OTUD7A: variants seen among roughly 807,000 people sequenced by gnomAD.
OTUD7A encodes OTU deubiquitinase 7A, also known as OTU domain-containing protein 7A.
A neutral mutation model predicts 65.7 loss-of-function variants in OTUD7A; 12 were observed. The ratio of observed to expected loss-of-function variants is 0.18; its 90% CI spans 0.12 to 0.30. OTUD7A has a LOEUF of 0.30. Ranked by LOEUF, OTUD7A falls within the 10% of genes least tolerant of loss-of-function variation. The probability of loss-of-function intolerance (pLI) is 1.00; values close to 1 mark genes in which losing one functional copy is unlikely to be tolerated. For missense variants in OTUD7A, 1,148 were observed against 1,304.8 expected (o/e 0.88, Z 1.85); for synonymous variants, 641 against 586.3 (o/e 1.09, Z -1.35).
intron 1 of OTUD7A, among the ~76,000 whole-genome samples, chr15:31,661,955 C>T (rs1342465593): frequency 6.6e-6 from 1 of 152,142 alleles, no homozygotes; most frequent in African/African-American, 2.4e-5. Flanking sequence ...TATCATCTGG[C>T]TTTTACTGAT....
intron 1 of OTUD7A, among the ~76,000 whole-genome samples, chr15:31,765,426 A>T (rs1318970223): frequency 1.4e-5 from 2 of 145,868 alleles, no homozygotes; most frequent in African/African-American, 2.5e-5. Flanking sequence ...AATTTTTTTT[A>T]AAAAACAGAA....
Position 31,478,036 on chromosome 15 carries a change from T to C in OTUD7A, c.*5258A>G, listed in dbSNP as rs1219779838. The C allele has an allele frequency of 6.6e-6, 1 of 152,278 alleles. No homozygotes were observed. The highest frequency in any genetic ancestry group is 1.5e-5 in the Non-Finnish European group (1 of 68,122). 9.4% of individuals were successfully genotyped at this position (152,278 alleles called of 1,614,324 possible). A position where few individuals can be genotyped will look rare whatever the true frequency, so the allele number is the denominator to read the frequency against. ...ATGTTCAGGTAGAAGGAATGGCATG[T>C]GCAAAGGCCCTGAGGCAGGAGGGTG... On this transcript the variant is annotated 3_prime_UTR_variant, in exon 13 of 13. Coordinates refer to ENST00000307050, the MANE Select transcript of OTUD7A (RefSeq NM_001382637.1).
At chr15:31,776,174 C>T (rs997020357) in intron 1 of OTUD7A, among the ~76,000 whole-genome samples, 5 of 152,194 alleles carry the variant, frequency 3.3e-5, no homozygotes, top group Non-Finnish European at 4.4e-5. Flanking sequence ...CAGGCCAGGT[C>T]CCCTTACCGC....
At chr15:31,764,152 AC>A (rs1455394429) in intron 1 of OTUD7A, among the ~76,000 whole-genome samples, 1 of 152,142 alleles carries the variant, frequency 6.6e-6, no homozygotes, top group Non-Finnish European at 1.5e-5. Flanking sequence ...TTGTTACAAA[AC>A]CCCAAATAAT....
rs141956023 is a variant in OTUD7A, at chr15:31,701,860, T to C, written c.-99-44783A>G. On this transcript the variant is annotated intron_variant, in intron 1 of 12. Coordinates refer to ENST00000307050, the MANE Select transcript of OTUD7A (RefSeq NM_001382637.1). ...AACCCAATGTAAACAAATAAAACTA[T>C]AGACCAATATCCCTCATGAATATAG... 1.3e-3 allele frequency among the ~76,000 whole-genome samples: 204 copies of C among 152,146 alleles called. 1 individual carries two copies. Among genetic ancestry groups the C allele is most frequent in the East Asian group, 0.013 (68 of 5,186 alleles).
At chr15:31,768,367 G>A (rs1431777652) in intron 1 of OTUD7A, among the ~76,000 whole-genome samples, 2 of 152,192 alleles carry the variant, frequency 1.3e-5, no homozygotes, top group Non-Finnish European at 2.9e-5. Flanking sequence ...TATCTATAAA[G>A]TAAAAGTGAT....
At chr15:31,662,416 C>T (rs76185167) in intron 1 of OTUD7A, among the ~76,000 whole-genome samples, 1 of 152,102 alleles carries the variant, frequency 6.6e-6, no homozygotes, top group Non-Finnish European at 1.5e-5. Context: ...TTGCATTCGT[C>T]GATTTAAACA....
At position 31,484,478 on chromosome 15, in the gene OTUD7A, C is replaced by A. The variant is rs1423629346; in HGVS notation, c.1618G>T (p.Gly540Cys). 6.2e-7 allele frequency: 1 copy of A among 1,607,376 alleles called. No homozygotes were observed. Among genetic ancestry groups the A allele is most frequent in the East Asian group, 2.2e-5 (1 of 44,864 alleles). The change falls in exon 13 of 13, where the codon GGC (glycine) becomes TGC (cysteine). Residue 540 changes from glycine to cysteine, a missense_variant. Coordinates refer to ENST00000307050, the MANE Select transcript of OTUD7A (RefSeq NM_001382637.1). The surrounding 1 kb of genome is among the most constrained non-coding windows in gnomAD (Gnocchi z 4.5). Reference protein sequence around the residue: ...TLGIKLKKNMGGLGGLVHGKM... With the variant: ...TLGIKLKKNMCGLGGLVHGKM... The stretch of plus-strand genomic sequence containing the variant: ...CCGTGCACCAGGCCGCCGAGGCCGC[C>A]CATGTTTTTCTTCAGCTTGATGCCC...
chr15:31,791,847 G>A (rs1231234760), intron 1 of OTUD7A, among the ~76,000 whole-genome samples: 1 of 152,062 alleles, frequency 6.6e-6, no homozygotes, highest in Non-Finnish European at 1.5e-5. Context: ...AAATGTCATG[G>A]AATGCAGGGC....
intron 3 of OTUD7A, among the ~76,000 whole-genome samples, chr15:31,619,634 C>T (rs535162300): frequency 4.6e-4 from 70 of 152,132 alleles, no homozygotes; most frequent in African/African-American, 1.3e-3. Context: ...TGAGACTTTG[C>T]TGAAGTTGCT....
chr15:31,485,408 AG>A (rs2041223102), intron 12 of OTUD7A, among the ~76,000 whole-genome samples: 1 of 152,218 alleles, frequency 6.6e-6, no homozygotes, highest in Non-Finnish European at 1.5e-5. Context: ...TGCTAAATTG[AG>A]GAGGATTCTG....
chr15:31,783,667 C>A (rs1011538567), intron 1 of OTUD7A, among the ~76,000 whole-genome samples: 1 of 152,166 alleles, frequency 6.6e-6, no homozygotes, highest in African/African-American at 2.4e-5. Context: ...TGCCAAAGAG[C>A]GATGGAGGTC....
rs541791184 is a variant in OTUD7A, at chr15:31,607,515, A to G, written c.152-37318T>C. ...CTCAGGAAAAAAAATAAAATCACCC[A>G]TAGCCTAAAATTATATCTCAAAATC... On this transcript the variant is annotated intron_variant, in intron 3 of 12. Transcript: ENST00000307050. 2.1e-4 allele frequency among the ~76,000 whole-genome samples: 32 copies of G among 152,302 alleles called. No homozygotes were observed. In the South Asian group the frequency reaches 6.4e-3, roughly 31 times the overall value.
At chr15:31,507,622 G>A (rs915076158) in intron 8 of OTUD7A, among the ~76,000 whole-genome samples, 14 of 87,644 alleles carry the variant, frequency 1.6e-4, no homozygotes, top group Non-Finnish European at 2.5e-4. Flanking sequence ...GCAGGTTGCT[G>A]CCGCTGCTGG....
chr15:31,667,533 G>A (rs1227837159), intron 1 of OTUD7A, among the ~76,000 whole-genome samples: 2 of 152,146 alleles, frequency 1.3e-5, no homozygotes, highest in African/African-American at 4.8e-5. Context: ...TGTGTTAGGT[G>A]AGTCTCCTGA....
intron 1 of OTUD7A, among the ~76,000 whole-genome samples, chr15:31,709,228 T>A (rs1474403813): frequency 6.6e-6 from 1 of 151,678 alleles, no homozygotes; most frequent in Non-Finnish European, 1.5e-5. Context: ...TCCCCAAGAC[T>A]CAGGGCTGGA....
chr15:31,860,705 G>GTA (rs1434901901), intron 1 of OTUD7A, among the ~76,000 whole-genome samples: 38 of 39,736 alleles, frequency 9.6e-4, no homozygotes, highest in Non-Finnish European at 1.9e-3. Context: ...ATATATGTAT[G>GTA]TATATATATA....
chr15:31,667,126 G>A (rs1427552857), intron 1 of OTUD7A, among the ~76,000 whole-genome samples: 3 of 152,152 alleles, frequency 2.0e-5, no homozygotes, highest in African/African-American at 4.8e-5. Context: ...GAAATGTTCT[G>A]TACATATCTG....
At chr15:31,858,048 G>A (rs1406688069) in intron 1 of OTUD7A, among the ~76,000 whole-genome samples, 1 of 152,186 alleles carries the variant, frequency 6.6e-6, no homozygotes, top group Non-Finnish European at 1.5e-5. Flanking sequence ...CTGTGTCGTG[G>A]CACTGTTGTC....
Sources: gnomAD v4.1 joint callset for allele counts (sites outside exome capture counted in the v4.1 genomes callset) on GRCh38, gnomAD v4.1.1 for gene constraint, Gnocchi (gnomAD v3.1) non-coding constraint, MANE v1.5 for transcripts, NCBI Gene and HGNC (gene_info 2026-07-23, HGNC 2026-07-21) for gene names.